The following ARK2N variants were observed in gnomAD, a reference collection of about 807,000 sequenced individuals.
ARK2N encodes arkadia (RNF111) N-terminal like PKA signaling regulator 2N.
At chr18:46,241,752 G>A in the ARK2N span, among the ~76,000 whole-genome samples, 3 of 152,044 alleles carry the variant, frequency 2.0e-5, no homozygotes, top group South Asian at 6.2e-4. Flanking sequence ...AAGTAATAAT[G>A]CTTTATATCA....
the ARK2N span, among the ~76,000 whole-genome samples, chr18:46,260,948 T>C: frequency 6.6e-6 from 1 of 152,226 alleles, no homozygotes; most frequent in Non-Finnish European, 1.5e-5. Flanking sequence ...TGCTTGACGT[T>C]ACATTGTATG....
the ARK2N span, among the ~76,000 whole-genome samples, chr18:46,201,619 G>A: frequency 2.0e-5 from 3 of 151,974 alleles, no homozygotes; most frequent in African/African-American, 4.8e-5. Context: ...AATTTTCTGA[G>A]TTCTGATCTC....
At chr18:46,235,492 G>T in the ARK2N span, among the ~76,000 whole-genome samples, 1 of 152,204 alleles carries the variant, frequency 6.6e-6, no homozygotes, top group Admixed American at 6.5e-5. Context: ...TATTTAAATT[G>T]CTTTTGTGTT....
chr18:46,226,812 T>C, the ARK2N span, among the ~76,000 whole-genome samples: 1 of 151,480 alleles, frequency 6.6e-6, no homozygotes, highest in African/African-American at 2.4e-5. Flanking sequence ...TTTACTTTTT[T>C]TTTTTTTTTT....
chr18:46,216,380 G>A, the ARK2N span: 27 of 1,613,902 alleles, frequency 1.7e-5, no homozygotes, highest in South Asian at 2.2e-4. This position sits in a 1 kb window ranked among gnomAD's most constrained non-coding sequence, Gnocchi z 4.3. Context: ...CAGAATGGCC[G>A]AGTCGCCAAG....
the ARK2N span, among the ~76,000 whole-genome samples, chr18:46,190,476 G>A: frequency 0.019 from 2,368 of 127,120 alleles, 65 homozygotes; most frequent in African/African-American, 0.063. Context: ...CAACAAGAGC[G>A]AAACTCTGTC....
At chr18:46,256,959 A>G in the ARK2N span, among the ~76,000 whole-genome samples, 1 of 152,142 alleles carries the variant, frequency 6.6e-6, no homozygotes, top group Non-Finnish European at 1.5e-5. Flanking sequence ...GGCTGCCTGT[A>G]TCTCATCTGG....
At chr18:46,198,938 A>G in the ARK2N span, among the ~76,000 whole-genome samples, 1 of 152,160 alleles carries the variant, frequency 6.6e-6, no homozygotes, top group Non-Finnish European at 1.5e-5. Context: ...CATTTCTAAT[A>G]TAGAAAAGAG....
At chr18:46,198,970 G>T in the ARK2N span, among the ~76,000 whole-genome samples, 1 of 152,146 alleles carries the variant, frequency 6.6e-6, no homozygotes, top group African/African-American at 2.4e-5. Flanking sequence ...TAGTCCTTTT[G>T]TAGCTTAGTT....
chr18:46,199,950 T>C, the ARK2N span, among the ~76,000 whole-genome samples: 1 of 152,154 alleles, frequency 6.6e-6, no homozygotes, highest in East Asian at 1.9e-4. Flanking sequence ...TCTAGCTCGT[T>C]GTTTCTTGCT....
the ARK2N span, among the ~76,000 whole-genome samples, chr18:46,227,242 T>G: frequency 6.6e-6 from 1 of 152,192 alleles, no homozygotes; most frequent in Admixed American, 6.5e-5. Context: ...AGAGGAAGTA[T>G]AGGCGGTATA....
the ARK2N span, among the ~76,000 whole-genome samples, chr18:46,197,485 T>C: frequency 1.3e-5 from 2 of 152,168 alleles, no homozygotes; most frequent in African/African-American, 4.8e-5. Context: ...CCACCCACCT[T>C]GGCCTCCCAA....
chr18:46,173,784 AGT>A, the ARK2N span: 26 of 152,516 alleles, frequency 1.7e-4, no homozygotes, highest in African/African-American at 6.3e-4. Context: ...GCTTGCATTG[AGT>A]GGCTTTCCCA....
At chr18:46,253,859 T>A in the ARK2N span, 1 of 1,542,820 alleles carries the variant, frequency 6.5e-7, no homozygotes, top group Non-Finnish European at 8.8e-7. Flanking sequence ...ATATTTTAAG[T>A]TATAAATTCT....
the ARK2N span, among the ~76,000 whole-genome samples, chr18:46,179,605 TC>T: frequency 6.6e-6 from 1 of 151,298 alleles, no homozygotes; most frequent in South Asian, 2.1e-4. Flanking sequence ...TAAAAAGTAA[TC>T]TTGCTTTTTT....
At chr18:46,197,717 G>A in the ARK2N span, among the ~76,000 whole-genome samples, 2 of 151,938 alleles carry the variant, frequency 1.3e-5, no homozygotes. Flanking sequence ...TTAGTCGTTG[G>A]ATAACATCTG....
the ARK2N span, chr18:46,253,701 T>C: frequency 6.2e-7 from 1 of 1,612,034 alleles, no homozygotes; most frequent in East Asian, 2.2e-5. Context: ...TCTCAGGTCA[T>C]TTGGATCCAG....
At chr18:46,225,508 G>A in the ARK2N span, among the ~76,000 whole-genome samples, 9 of 152,304 alleles carry the variant, frequency 5.9e-5, no homozygotes, top group African/African-American at 2.2e-4. Flanking sequence ...GCGCAGGCTG[G>A]AGTGCAATGG....
the ARK2N span, among the ~76,000 whole-genome samples, chr18:46,207,737 T>A: frequency 6.6e-6 from 1 of 152,184 alleles, no homozygotes; most frequent in East Asian, 1.9e-4. Context: ...GACAACACTT[T>A]CAGTAGCATT....
Sources: allele counts gnomAD v4.1 joint callset (sites outside exome capture counted in the v4.1 genomes callset), GRCh38; gene constraint gnomAD v4.1.1; non-coding constraint Gnocchi (gnomAD v3.1); transcripts MANE v1.5; gene names NCBI Gene and HGNC (gene_info 2026-07-23, HGNC 2026-07-21).